The following MALRD1 variants were observed in gnomAD, a reference collection of about 807,000 sequenced individuals.
The protein encoded by MALRD1 is MAM and LDL receptor class A domain containing 1, also known as MAM and LDL-receptor class A domain-containing protein 1.
Under a neutral mutation model 242.1 loss-of-function variants are expected in MALRD1, and 247 were observed. That is an observed-to-expected ratio of 1.02 (90% confidence interval 0.92 to 1.13). The LOEUF is 1.13. Among genes scored for constraint, MALRD1 ranks in the 50% most tolerant of loss-of-function variants. The probability of loss-of-function intolerance (pLI) is 0.00; values close to 1 mark genes in which losing one functional copy is unlikely to be tolerated. For synonymous variants in MALRD1, 995 were observed against 866.6 expected (o/e 1.15, Z -2.60); for missense variants, 2,989 against 2,533.1 (o/e 1.18, Z -3.86).
At chr10:19,558,955 G>A (rs902382960) in intron 32 of MALRD1, among the ~76,000 whole-genome samples, 2 of 151,854 alleles carry the variant, frequency 1.3e-5, no homozygotes, top group African/African-American at 4.8e-5. Context: ...AGGCTGAGGT[G>A]GGCAGATCAC....
At chr10:19,576,479 G>A (rs1013796108) in intron 33 of MALRD1, among the ~76,000 whole-genome samples, 60 of 152,216 alleles carry the variant, frequency 3.9e-4, no homozygotes, top group African/African-American at 1.4e-3. Flanking sequence ...ATACTTTCGT[G>A]TTGTATAATA....
chr10:19,239,056 T>C (rs1413367537), intron 18 of MALRD1, among the ~76,000 whole-genome samples: 2 of 97,738 alleles, frequency 2.0e-5, no homozygotes, highest in African/African-American at 7.6e-5. Flanking sequence ...GTTTATTTTG[T>C]CCTTTTCTTT....
intron 38 of MALRD1, among the ~76,000 whole-genome samples, chr10:19,719,956 G>A (rs968023017): frequency 1.3e-5 from 2 of 151,750 alleles, no homozygotes; most frequent in African/African-American, 4.8e-5. Context: ...AGATAACATG[G>A]TATTTTATGG....
At chr10:19,567,756 T>TTTAG in intron 33 of MALRD1, 53 bp downstream of exon 33, 2 of 1,411,644 alleles carry the variant, frequency 1.4e-6, no homozygotes, top group Non-Finnish European at 1.9e-6. Context: ...AGTATCTAAA[T>TTTAG]ATACTAAAGA....
At chr10:19,302,155 C>G (rs978897649) in intron 21 of MALRD1, among the ~76,000 whole-genome samples, 1 of 151,774 alleles carries the variant, frequency 6.6e-6, no homozygotes, top group African/African-American at 2.4e-5. Flanking sequence ...AGTCCTCATA[C>G]TTGCTAATGG....
chr10:19,555,944 G>A (rs117000369), intron 32 of MALRD1, among the ~76,000 whole-genome samples: 4,327 of 152,118 alleles, frequency 0.028, 147 homozygotes, highest in Non-Finnish European at 0.032. Flanking sequence ...ATGTATTAAC[G>A]GAACAAGTGA....
chr10:19,393,597 C>T lies in MALRD1; in HGVS notation c.4845+3988C>T, dbSNP rs540594340. ...AGTAGCTGGGACTACAGGCGCCGGC[C>T]ACCACGCCTGGCTAATTTTTTTTTT... On this transcript the variant is annotated intron_variant, in intron 28 of 39. Coordinates refer to ENST00000454679, the MANE Select transcript of MALRD1 (RefSeq NM_001142308.3). Among the ~76,000 whole-genome samples, 909 of 150,906 alleles carry T rather than the reference C, an allele frequency of 6.0e-3. 12 individuals carry two copies. Among genetic ancestry groups the T allele is most frequent in the Non-Finnish European group, 8.7e-3 (587 of 67,774 alleles).
intron 38 of MALRD1, among the ~76,000 whole-genome samples, chr10:19,727,291 CT>C (rs984425058): frequency 7.0e-4 from 107 of 152,066 alleles, no homozygotes; most frequent in Middle Eastern, 3.4e-3. Context: ...TTGTTTTATT[CT>C]TTTTTTCTCC....
intron 38 of MALRD1, among the ~76,000 whole-genome samples, chr10:19,697,597 G>A (rs896033200): frequency 1.3e-5 from 2 of 152,052 alleles, no homozygotes; most frequent in Non-Finnish European, 2.9e-5. Flanking sequence ...CAGCAAGAGC[G>A]TTCCAAAATA....
chr10:19,239,307 G>A (rs113806043), intron 18 of MALRD1, among the ~76,000 whole-genome samples: 35 of 152,076 alleles, frequency 2.3e-4, no homozygotes, highest in African/African-American at 6.5e-4. Context: ...CAATCCACCC[G>A]CCTCAGCCTC....
At chr10:19,454,426 A>ATATATATATATATATATATATAAT (rs1835518071) in intron 29 of MALRD1, among the ~76,000 whole-genome samples, 1 of 140,706 alleles carries the variant, frequency 7.1e-6, no homozygotes, top group African/African-American at 2.6e-5. Flanking sequence ...ATATATATAT[A>ATATATATATATATATATATATAAT]TATATAATTA....
intron 14 of MALRD1, among the ~76,000 whole-genome samples, chr10:19,175,805 T>A (rs1487437854): frequency 6.6e-6 from 1 of 152,086 alleles, no homozygotes; most frequent in Non-Finnish European, 1.5e-5. Flanking sequence ...ATTCTGTGTT[T>A]CTATTCAAAA....
chr10:19,057,804 T>G (rs1055012060), intron 1 of MALRD1, among the ~76,000 whole-genome samples: 2 of 152,096 alleles, frequency 1.3e-5, no homozygotes, highest in Non-Finnish European at 2.9e-5. Context: ...AAATGAGAGA[T>G]AAATAGCTAG....
chr10:19,653,206 T>TA (rs1840975489), intron 36 of MALRD1, among the ~76,000 whole-genome samples: 4 of 137,170 alleles, frequency 2.9e-5, no homozygotes. Flanking sequence ...ATTATTATTA[T>TA]TTTTTTTTGA....
intron 18 of MALRD1, among the ~76,000 whole-genome samples, chr10:19,257,052 A>G (rs768186105): frequency 3.3e-4 from 50 of 152,204 alleles, no homozygotes; most frequent in Non-Finnish European, 5.9e-4. Context: ...TGGTTCGTCT[A>G]TATGTGGTAT....
intron 21 of MALRD1, among the ~76,000 whole-genome samples, chr10:19,292,848 A>C (rs1031242106): frequency 3.5e-5 from 5 of 144,590 alleles, no homozygotes; most frequent in African/African-American, 1.0e-4. Flanking sequence ...AGCCGAGATC[A>C]CGCCATTGCA....
At chr10:19,500,947 G>A (rs1389055459) in intron 31 of MALRD1, among the ~76,000 whole-genome samples, 3 of 151,966 alleles carry the variant, frequency 2.0e-5, no homozygotes, top group Non-Finnish European at 4.4e-5. Flanking sequence ...AAAAGATAAT[G>A]GGTAAACATA....
intron 14 of MALRD1, among the ~76,000 whole-genome samples, chr10:19,202,504 C>T (rs1219726292): frequency 6.6e-6 from 1 of 151,808 alleles, no homozygotes. Context: ...GGTTAAATTC[C>T]CTATAATTTT....
intron 36 of MALRD1, among the ~76,000 whole-genome samples, chr10:19,654,137 A>T (rs1841023287): frequency 6.6e-6 from 1 of 152,202 alleles, no homozygotes; most frequent in Admixed American, 6.5e-5. Flanking sequence ...AAATGACAAA[A>T]TGATTTATCA....
Sources: gnomAD v4.1 joint callset for allele counts (sites outside exome capture counted in the v4.1 genomes callset) on GRCh38, gnomAD v4.1.1 for gene constraint, MANE v1.5 for transcripts, NCBI Gene and HGNC (gene_info 2026-07-23, HGNC 2026-07-21) for gene names.